Variants in GSE1 observed in about 807,000 individuals in gnomAD.
The protein encoded by GSE1 is Gse1 coiled-coil protein.
A neutral mutation model predicts 112.6 loss-of-function variants in GSE1; 32 were observed. That is an observed-to-expected ratio of 0.28 (90% CI 0.21 to 0.38). The LOEUF is 0.38. Ranked by LOEUF, GSE1 falls within the 10% of genes least tolerant of loss-of-function variation. The pLI, the probability that GSE1 is intolerant of heterozygous loss-of-function variation, is 1.00. For missense variants in GSE1, 2,348 were observed against 1,699.2 expected (o/e 1.38, Z -6.71); for synonymous variants, 1,115 against 735.6 (o/e 1.52, Z -8.35).
chr16:85,306,173 G>C (rs2045672953), intron 1 of GSE1: 1 of 154,222 alleles, frequency 6.5e-6, no homozygotes, highest in Admixed American at 6.5e-5. Flanking sequence ...TAGAAAGAGA[G>C]AACCTTCCTC....
At chr16:85,637,761 G>C (rs1038012180) in intron 2 of GSE1, among the ~76,000 whole-genome samples, 1 of 150,992 alleles carries the variant, frequency 6.6e-6, no homozygotes, top group East Asian at 1.9e-4. Context: ...AAGGGAGACC[G>C]GGCCTCTGTG....
chr16:85,612,437 T>TG (rs938791592), upstream of GSE1, among the ~76,000 whole-genome samples: 1 of 152,076 alleles, frequency 6.6e-6, no homozygotes, highest in African/African-American at 2.4e-5. Context: ...AGAAGCGCAA[T>TG]GGGTCGTGCC....
At chr16:85,403,354 C>A (rs531737505) in intron 2 of GSE1, among the ~76,000 whole-genome samples, 18 of 152,300 alleles carry the variant, frequency 1.2e-4, no homozygotes, top group African/African-American at 4.1e-4. Flanking sequence ...GGGGGCCACC[C>A]AGGGGCATGA....
chr16:85,286,092 C>T (rs1029786544), intron 1 of GSE1: 3 of 152,330 alleles, frequency 2.0e-5, no homozygotes, highest in Non-Finnish European at 4.4e-5. Flanking sequence ...TCCCGAGCTG[C>T]TGAGTTTACA....
intron 2 of GSE1, among the ~76,000 whole-genome samples, chr16:85,383,160 G>C (rs2047597056): frequency 6.6e-6 from 1 of 151,026 alleles, no homozygotes; most frequent in African/African-American, 2.4e-5. Context: ...ATATACAGTA[G>C]ACACCTGGGT....
chr16:85,276,680 A>G (rs950530103), intron 1 of GSE1, among the ~76,000 whole-genome samples: 3 of 152,100 alleles, frequency 2.0e-5, no homozygotes, highest in Non-Finnish European at 4.4e-5. Context: ...GGGAGACAGG[A>G]TGGACCCACC....
At chr16:85,496,716 G>A (rs1341887841) in intron 2 of GSE1, among the ~76,000 whole-genome samples, 1 of 152,228 alleles carries the variant, frequency 6.6e-6, no homozygotes, top group Non-Finnish European at 1.5e-5. Context: ...CTTGGAGGGT[G>A]TGAGTGATGG....
intron 2 of GSE1, among the ~76,000 whole-genome samples, chr16:85,475,920 G>T (rs1004642684): frequency 1.3e-5 from 2 of 151,788 alleles, no homozygotes; most frequent in African/African-American, 4.8e-5. Context: ...CATCGCAGCG[G>T]CCACTTCTTT....
intron 2 of GSE1, among the ~76,000 whole-genome samples, chr16:85,635,633 C>G (rs1254548646): frequency 1.3e-5 from 2 of 152,200 alleles, no homozygotes; most frequent in Admixed American, 1.3e-4. Flanking sequence ...GCTCCTGCTG[C>G]TGCAGTTGTC....
chr16:85,493,667 C>T (rs1053735446), intron 2 of GSE1, among the ~76,000 whole-genome samples: 3 of 151,750 alleles, frequency 2.0e-5, no homozygotes, highest in Non-Finnish European at 2.9e-5. Flanking sequence ...GCAGGAGAAT[C>T]GCTTGAACCC....
chr16:85,668,974 G>A (rs1180494873), intron 14 of GSE1, among the ~76,000 whole-genome samples: 1 of 152,264 alleles, frequency 6.6e-6, no homozygotes, highest in Non-Finnish European at 1.5e-5. Context: ...TACCCAGGAT[G>A]TTTTGATCCC....
chr16:85,441,638 C>T (rs1282333115), intron 2 of GSE1, among the ~76,000 whole-genome samples: 1 of 152,120 alleles, frequency 6.6e-6, no homozygotes, highest in Non-Finnish European at 1.5e-5. Flanking sequence ...CAGAGTGAGA[C>T]TCCGTCTCAA....
chr16:85,264,735 TAG>T (rs1369673273), intron 1 of GSE1, among the ~76,000 whole-genome samples: 3 of 152,222 alleles, frequency 2.0e-5, no homozygotes, highest in Non-Finnish European at 2.9e-5. Context: ...CCAGTGTGTG[TAG>T]AGTCAGGAAA....
At chr16:85,512,866 C>G (rs923643306) in intron 2 of GSE1, among the ~76,000 whole-genome samples, 10 of 152,134 alleles carry the variant, frequency 6.6e-5, no homozygotes, top group African/African-American at 2.4e-4. Context: ...CCTGCTGACT[C>G]ACAGGGACAG....
chr16:85,172,790 C>A (rs2074383748), intron 1 of GSE1, among the ~76,000 whole-genome samples: 2 of 152,222 alleles, frequency 1.3e-5, no homozygotes, highest in Non-Finnish European at 2.9e-5. Flanking sequence ...TCATTCCACC[C>A]TTTGAAAGCT....
At position 85,571,170 on chromosome 16, in the gene GSE1, G is replaced by A. The variant is rs544939958; in HGVS notation, c.37+14807G>A. On this transcript the variant is annotated intron_variant, in intron 1 of 2. Coordinates refer to the GSE1 transcript ENST00000635906. ...GCTCTGCCTTTCTAACAAGGCACAG[G>A]GGAACTTCCCTCCCTTGAGCCCCGG... 9.9e-5 allele frequency among the ~76,000 whole-genome samples: 15 copies of A among 152,284 alleles called. No individual in the cohort carries two copies. In the East Asian group the frequency reaches 2.9e-3, roughly 29 times the overall value.
At chr16:85,614,712 C>T (rs1197748922) in intron 1 of GSE1, among the ~76,000 whole-genome samples, 1 of 152,220 alleles carries the variant, frequency 6.6e-6, no homozygotes, top group Non-Finnish European at 1.5e-5. Context: ...TTGGCTCTTA[C>T]AAACTAGCCT....
intron 2 of GSE1, among the ~76,000 whole-genome samples, chr16:85,461,739 AG>A (rs1256477090): frequency 1.3e-5 from 2 of 152,142 alleles, no homozygotes; most frequent in Non-Finnish European, 2.9e-5. Context: ...GTGAAGCTCC[AG>A]GATTCAGAGC....
chr16:85,626,436 C>T (rs922761163), intron 1 of GSE1, among the ~76,000 whole-genome samples: 6 of 151,800 alleles, frequency 4.0e-5, no homozygotes, highest in Admixed American at 1.3e-4. Flanking sequence ...ATCGCGGGGG[C>T]GGGCACCAGT....
Sources: allele counts gnomAD v4.1 joint callset (sites outside exome capture counted in the v4.1 genomes callset), GRCh38; gene constraint gnomAD v4.1.1; transcripts MANE v1.5; gene names NCBI Gene and HGNC (gene_info 2026-07-23, HGNC 2026-07-21).